Variants in PCDH15 observed in about 807,000 individuals in gnomAD.
The protein encoded by PCDH15 is protocadherin related 15.
A neutral mutation model predicts 178.5 loss-of-function variants in PCDH15; 129 were observed. That is an observed-to-expected ratio of 0.72 (90% CI 0.63 to 0.84). The LOEUF (loss-of-function observed/expected upper bound fraction) is 0.84, where lower values mean the gene tolerates loss of function less well. Ranked by LOEUF, PCDH15 falls within the 40% of genes least tolerant of loss-of-function variation. The pLI is 0.00. For synonymous variants in PCDH15, 800 were observed against 732.0 expected (o/e 1.09, Z -1.50); for missense variants, 2,230 against 2,099.9 (o/e 1.06, Z -1.21).
intron 17 of PCDH15, among the ~76,000 whole-genome samples, chr10:54,074,532 C>G (rs186515596): frequency 6.6e-6 from 1 of 152,118 alleles, no homozygotes; most frequent in South Asian, 2.1e-4. Flanking sequence ...TTTCTTCCAT[C>G]TTAAGGCCGA....
At chr10:54,902,306 C>G (rs1309997254) in intron 2 of PCDH15, among the ~76,000 whole-genome samples, 2 of 152,112 alleles carry the variant, frequency 1.3e-5, no homozygotes, top group Non-Finnish European at 2.9e-5. Flanking sequence ...GTGTCCCCAC[C>G]CAAATCTCAT....
chr10:55,284,355 A>G (rs1842811676), intron 1 of PCDH15, among the ~76,000 whole-genome samples: 1 of 152,118 alleles, frequency 6.6e-6, no homozygotes, highest in Non-Finnish European at 1.5e-5. Context: ...TCAACAGGAA[A>G]TAAAGGTGAA....
At chr10:53,826,041 CCTT>C (rs2076656777) in intron 32 of PCDH15, among the ~76,000 whole-genome samples, 1 of 151,562 alleles carries the variant, frequency 6.6e-6, no homozygotes, top group Non-Finnish European at 1.5e-5. Context: ...TACACATAAT[CCTT>C]TTTTTTAGTT....
intron 7 of PCDH15, among the ~76,000 whole-genome samples, chr10:54,318,591 AC>A (rs1446330297): frequency 1.3e-5 from 2 of 152,190 alleles, no homozygotes; most frequent in African/African-American, 4.8e-5. Context: ...CAATCAGGAT[AC>A]CAGTTTGCAT....
chr10:54,618,645 G>C (rs2093258287), intron 2 of PCDH15, among the ~76,000 whole-genome samples: 1 of 151,998 alleles, frequency 6.6e-6, no homozygotes, highest in South Asian at 2.1e-4. Context: ...TAACAGATTT[G>C]TGTTATCTAC....
rs867584357 is a variant in PCDH15, at chr10:54,153,232, C to T, written c.1652G>A (p.Gly551Glu). 1 of 1,613,798 alleles carries T rather than the reference C, an allele frequency of 6.2e-7. No individual in the cohort carries two copies. Among genetic ancestry groups the T allele is most frequent in the East Asian group, 2.2e-5 (1 of 44,834 alleles). ...NGEITYEILVGAQGDFIINKT... is the reference protein window; with the variant it reads ...NGEITYEILVEAQGDFIINKT... ...ATTGATGATGAAGTCTCCCTGAGCC[C>T]CAACAAGGATTTCATATGTGATCTC... The change falls in exon 14 of 38, where the codon GGG (glycine) becomes GAG (glutamate). Residue 551 changes from glycine (G) to glutamate (E), a missense_variant. By Grantham distance (98) the Gly-to-Glu change is moderately conservative. Coordinates refer to ENST00000644397, the MANE Select transcript of PCDH15 (RefSeq NM_001384140.1).
chr10:54,709,249 C>T lies in PCDH15; in HGVS notation c.-28-44959G>A, dbSNP rs74136247. Reference sequence around the variant, plus strand: ...TTTAGTATTTGAAACTTAATCACATCGTATAGAAACAGAATTTTATACGTA... The same window carrying T: ...TTTAGTATTTGAAACTTAATCACATTGTATAGAAACAGAATTTTATACGTA... On this transcript the variant is annotated intron_variant, in intron 1 of 37. Transcript: ENST00000644397. Among the ~76,000 whole-genome samples, 996 of 150,100 alleles carry T rather than the reference C, an allele frequency of 6.6e-3. 13 individuals carry two copies. Among genetic ancestry groups the T allele is most frequent in the African/African-American group, 0.023 (947 of 40,510 alleles).
chr10:54,752,740 C>T (rs1248406608), intron 1 of PCDH15, among the ~76,000 whole-genome samples: 2 of 151,792 alleles, frequency 1.3e-5, no homozygotes, highest in African/African-American at 2.4e-5. Context: ...CAGGACCTCA[C>T]TTATTTCCTG....
At chr10:53,810,886 A>T (rs1338428231) in intron 36 of PCDH15, among the ~76,000 whole-genome samples, 1 of 152,192 alleles carries the variant, frequency 6.6e-6, no homozygotes, top group Non-Finnish European at 1.5e-5. Context: ...AACAATAAAG[A>T]GAGTTGAGTT....
chr10:54,970,598 T>A (rs1199221494), intron 2 of PCDH15, among the ~76,000 whole-genome samples: 1 of 131,142 alleles, frequency 7.6e-6, no homozygotes, highest in Non-Finnish European at 1.6e-5. Context: ...GGTTTGGAAA[T>A]ATTAAATGGA....
At chr10:55,020,366 A>G (rs954403893) in intron 2 of PCDH15, among the ~76,000 whole-genome samples, 13 of 151,310 alleles carry the variant, frequency 8.6e-5, no homozygotes, top group African/African-American at 2.9e-4. Context: ...ATGGATAAAT[A>G]TAAAGTAATG....
chr10:54,389,197 C>T (rs1459242560), intron 3 of PCDH15, among the ~76,000 whole-genome samples: 1 of 152,056 alleles, frequency 6.6e-6, no homozygotes, highest in Non-Finnish European at 1.5e-5. Flanking sequence ...TCAAGGAAGC[C>T]AGATGCCCTT....
intron 2 of PCDH15, among the ~76,000 whole-genome samples, chr10:55,591,490 A>T (rs925254947): frequency 2.0e-5 from 3 of 151,994 alleles, no homozygotes; most frequent in Middle Eastern, 3.2e-3. Context: ...TTCAGTATTT[A>T]AAAAAAAGGT....
At chr10:53,889,091 T>G (rs1339802394) in intron 26 of PCDH15, among the ~76,000 whole-genome samples, 1 of 151,720 alleles carries the variant, frequency 6.6e-6, no homozygotes, top group African/African-American at 2.4e-5. Flanking sequence ...ATATGGACTG[T>G]AAATCTAAAC....
chr10:54,141,700 GAC>G (rs61483785), intron 14 of PCDH15, among the ~76,000 whole-genome samples: 10,572 of 152,146 alleles, frequency 0.069, 862 homozygotes, highest in African/African-American at 0.19. Flanking sequence ...TAAAAATTGT[GAC>G]ACTTTGTTGT....
chr10:55,432,215 T>C (rs189747994), intron 2 of PCDH15, among the ~76,000 whole-genome samples: 1 of 152,210 alleles, frequency 6.6e-6, no homozygotes, highest in Admixed American at 6.5e-5. Flanking sequence ...TATGGATATT[T>C]TGCAAAACAG....
intron 2 of PCDH15, among the ~76,000 whole-genome samples, chr10:54,622,784 G>T (rs1264925411): frequency 4.6e-5 from 2 of 43,492 alleles, no homozygotes; most frequent in African/African-American, 8.1e-5. Flanking sequence ...TCCCACTACA[G>T]TGGGAAAAAC....
At chr10:54,903,177 A>G (rs1954665479) in intron 2 of PCDH15, among the ~76,000 whole-genome samples, 1 of 152,192 alleles carries the variant, frequency 6.6e-6, no homozygotes, top group African/African-American at 2.4e-5. Context: ...ACGAAAGAAA[A>G]GAAGGGATAC....
intron 1 of PCDH15, among the ~76,000 whole-genome samples, chr10:55,266,923 C>T (rs117322957): frequency 0.044 from 6,701 of 152,270 alleles, 187 homozygotes; most frequent in Non-Finnish European, 0.065. Flanking sequence ...TAACACATGC[C>T]CACTGGGGCT....
Sources: gnomAD v4.1 joint callset for allele counts (sites outside exome capture counted in the v4.1 genomes callset) on GRCh38, gnomAD v4.1.1 for gene constraint, MANE v1.5 for transcripts, NCBI Gene and HGNC (gene_info 2026-07-23, HGNC 2026-07-21) for gene names.